The following DSTYK variants were observed in gnomAD, a reference collection of about 807,000 sequenced individuals.
DSTYK encodes RIP-homologous kinase.
DSTYK carries 34 observed loss-of-function variants against 98.7 expected under a neutral mutation model. The observed-to-expected ratio is 0.34, with a 90% CI of 0.26 to 0.46. The LOEUF (loss-of-function observed/expected upper bound fraction) is 0.46. DSTYK is among the 20% of genes least tolerant of loss of function. DSTYK has a pLI of 1.00. For missense variants in DSTYK, 962 were observed against 1,181.7 expected, an observed-to-expected ratio of 0.81 and a Z score of 2.73; for synonymous variants, 462 against 457.3, an observed-to-expected ratio of 1.01 and a Z score of -0.13.
At position 205,169,794 on chromosome 1, in the gene DSTYK, C is replaced by T. The variant is rs1271925388; in HGVS notation, c.693G>A (p.Arg231=). The T allele has an allele frequency of 6.2e-7, 1 of 1,614,004 alleles. No individual in the cohort carries two copies. The highest frequency in any genetic ancestry group is 8.5e-7 in the Non-Finnish European group (1 of 1,179,964). Residue 231 remains arginine (R), a synonymous_variant, in exon 3 of 13, where the codon CGG becomes CGA. Transcript: ENST00000367162. The surrounding 1 kb of genome is among the most constrained non-coding windows in gnomAD (Gnocchi z 4.0). The stretch of plus-strand genomic sequence containing the variant: ...AGTCACCCAGAACATCCACTGTGGG[C>T]CGGAGGCCTTGGCATGGTGCTACCA... ...DVVVAPCQGL[R]PTVDVLGDLV...
In DSTYK at chr1:205,145,833, A is replaced by G. The variant is rs1574740154; in HGVS notation, c.*1725T>C. 6.6e-6 allele frequency: 1 copy of G among 152,066 alleles called. No homozygotes were observed. Among genetic ancestry groups the G allele is most frequent in the East Asian group, 1.9e-4 (1 of 5,190 alleles). 9.4% of individuals were successfully genotyped at this position (152,066 alleles called of 1,614,324 possible). On this transcript the variant is annotated 3_prime_UTR_variant, in exon 13 of 13. Coordinates refer to ENST00000367162, the MANE Select transcript of DSTYK (RefSeq NM_015375.3). ...ACTTCCACTGTCTACTTCCTCGTCT[A>G]CCTGTTTTTCGGAATCTAATGGACC...
intron 1 of DSTYK, among the ~76,000 whole-genome samples, chr1:205,209,631 G>C (rs1340597320): frequency 2.1e-4 from 13 of 62,172 alleles, no homozygotes; most frequent in Middle Eastern, 0.012. Flanking sequence ...GGAGGGGGAT[G>C]ACTAGTTTTT....
At chr1:205,206,343 A>G (rs1558629580) in intron 1 of DSTYK, among the ~76,000 whole-genome samples, 1 of 151,336 alleles carries the variant, frequency 6.6e-6, no homozygotes, top group Non-Finnish European at 1.5e-5. Flanking sequence ...GCAATGGTGC[A>G]ATCTCGGCTC....
intron 1 of DSTYK, among the ~76,000 whole-genome samples, chr1:205,209,968 T>C (rs751536096): frequency 6.6e-6 from 1 of 152,012 alleles, no homozygotes; most frequent in African/African-American, 2.4e-5. Flanking sequence ...TGGCACAATC[T>C]CTGCTCACTG....
At chr1:205,181,306 CAA>C (rs955805961) in intron 2 of DSTYK, among the ~76,000 whole-genome samples, 7 of 152,046 alleles carry the variant, frequency 4.6e-5, no homozygotes, top group African/African-American at 1.4e-4. Flanking sequence ...TAGATATACT[CAA>C]GAGACAATAT....
chr1:205,164,004 G>A, intron 3 of DSTYK, 49 bp from the exon 4 acceptor site: 11 of 1,499,594 alleles, frequency 7.3e-6, no homozygotes, highest in Non-Finnish European at 1.0e-5. Flanking sequence ...AGAAGGGGCA[G>A]ACACACTAAA....
Position 205,147,492 on chromosome 1 carries a change from C to A in DSTYK, c.*66G>T. On this transcript the variant is annotated 3_prime_UTR_variant, in exon 13 of 13. Coordinates refer to ENST00000367162, the MANE Select transcript of DSTYK (RefSeq NM_015375.3). Reference sequence around the variant, plus strand: ...TCCTATAGTGAATAAATGTCAAATTCTCCCCATGGCCAAAAGGTGAGGGGG... The same window carrying A: ...TCCTATAGTGAATAAATGTCAAATTATCCCCATGGCCAAAAGGTGAGGGGG... 6.5e-7 allele frequency: 1 copy of A among 1,528,980 alleles called. No homozygotes were observed. 94.7% of individuals were successfully genotyped at this position (1,528,980 alleles called of 1,614,324 possible). A position where few individuals can be genotyped will look rare whatever the true frequency, so the allele number is the denominator to read the frequency against.
At chr1:205,168,870 A>G (rs533630835) in intron 3 of DSTYK, among the ~76,000 whole-genome samples, 47 of 152,184 alleles carry the variant, frequency 3.1e-4, no homozygotes, top group Non-Finnish European at 5.3e-4. Flanking sequence ...CAGCTCCATT[A>G]GGGGTTGAGG....
rs891148588 is a variant in DSTYK, at chr1:205,143,437, G to C, written c.*4121C>G. Reference sequence around the variant, plus strand: ...AAATCCAAAAGCTTTGGAAATTCCAGGAAAGCAACTACTCTTTTGGCAGTG... The same window carrying C: ...AAATCCAAAAGCTTTGGAAATTCCACGAAAGCAACTACTCTTTTGGCAGTG... On this transcript the variant is annotated 3_prime_UTR_variant, in exon 13 of 13. Coordinates refer to ENST00000367162, the MANE Select transcript of DSTYK (RefSeq NM_015375.3). The C allele has an allele frequency of 1.3e-5, 2 of 152,122 alleles. No individual in the cohort carries two copies. The highest frequency in any genetic ancestry group is 2.9e-5 in the Non-Finnish European group (2 of 68,030). 9.4% of individuals were successfully genotyped at this position (152,122 alleles called of 1,614,324 possible).
intron 1 of DSTYK, chr1:205,202,469 T>C (rs1659071260): frequency 1.2e-6 from 1 of 804,868 alleles, no homozygotes; most frequent in Non-Finnish European, 2.2e-6. Flanking sequence ...TTGCTACACA[T>C]GCTTAAAAAT....
chr1:205,163,666 G>T, intron 4 of DSTYK, 57 bp downstream of exon 4: 1 of 1,380,188 alleles, frequency 7.2e-7, no homozygotes, highest in Non-Finnish European at 1.0e-6. Flanking sequence ...GTGGACTTGT[G>T]CAGATTTTTC....
At chr1:205,159,804 G>A in intron 8 of DSTYK, 125 bp from the exon 9 acceptor site, 1 of 1,224,358 alleles carries the variant, frequency 8.2e-7, no homozygotes, top group Non-Finnish European at 1.1e-6. Context: ...ATGGCCCTCA[G>A]TGCAGACAGA....
intron 2 of DSTYK, among the ~76,000 whole-genome samples, chr1:205,187,065 A>G (rs939799716): frequency 7.9e-5 from 12 of 152,242 alleles, no homozygotes; most frequent in African/African-American, 2.4e-4. Flanking sequence ...AATTCAAGCA[A>G]TATCTTCCTG....
chr1:205,202,537 A>AT (rs1464344689), intron 1 of DSTYK: 2 of 902,594 alleles, frequency 2.2e-6, no homozygotes, highest in African/African-American at 3.2e-5. Flanking sequence ...CGTTGGGCAT[A>AT]TCAAAGTGAA....
Position 205,161,319 on chromosome 1 carries a change from A to G in DSTYK, c.1887T>C (p.His629=), listed in dbSNP as rs1341378396. 5 of 1,614,052 alleles carry G rather than the reference A, an allele frequency of 3.1e-6. No homozygotes were observed. The highest frequency in any genetic ancestry group is 4.2e-6 in the Non-Finnish European group (5 of 1,180,022). Residue 629 remains histidine (H), a synonymous_variant, in exon 7 of 13, where the codon CAT becomes CAC. Coordinates refer to ENST00000367162, the MANE Select transcript of DSTYK (RefSeq NM_015375.3). ...GAGAAAGGCGGGCCAGGCGGGGAGC[A>G]TGATCTTTCCGAACCCTCAGCCATA... The part of the protein sequence containing the change: ...EDLWLRVRKD[H]APRLARLSLE...
intron 1 of DSTYK, among the ~76,000 whole-genome samples, chr1:205,208,719 T>TA (rs1313168719): frequency 6.6e-6 from 1 of 152,102 alleles, no homozygotes; most frequent in Non-Finnish European, 1.5e-5. Flanking sequence ...ACAAAAAATT[T>TA]AAAAAAGAAA....
At chr1:205,160,326 C>A in intron 7 of DSTYK, 56 bp from the exon 8 acceptor site, 1 of 1,505,442 alleles carries the variant, frequency 6.6e-7, no homozygotes, top group South Asian at 1.2e-5. Flanking sequence ...CGTGGGCAAC[C>A]TCTGTAAGAT....
At chr1:205,177,510 C>T (rs1046550828) in intron 2 of DSTYK, among the ~76,000 whole-genome samples, 1 of 152,182 alleles carries the variant, frequency 6.6e-6, no homozygotes, top group Non-Finnish European at 1.5e-5. Flanking sequence ...CCTGAACCAT[C>T]ACTCTTAAAT....
intron 2 of DSTYK, among the ~76,000 whole-genome samples, chr1:205,180,179 A>G (rs750819527): frequency 1.3e-5 from 2 of 149,108 alleles, no homozygotes; most frequent in Non-Finnish European, 3.0e-5. Flanking sequence ...TTACATAGGT[A>G]TGGTTTGCTG....
Sources: allele counts gnomAD v4.1 joint callset (sites outside exome capture counted in the v4.1 genomes callset), GRCh38; gene constraint gnomAD v4.1.1; non-coding constraint Gnocchi (gnomAD v3.1); transcripts MANE v1.5; gene names NCBI Gene and HGNC (gene_info 2026-07-23, HGNC 2026-07-21).